Variants in FIG4 observed in about 807,000 individuals in gnomAD.
FIG4 encodes the protein FIG4 phosphoinositide 5-phosphatase.
A neutral mutation model predicts 118.6 loss-of-function variants in FIG4; 112 were observed. That is an observed-to-expected ratio of 0.94 (90% CI 0.81 to 1.11). The LOEUF (loss-of-function observed/expected upper bound fraction) is 1.11, where lower values mean the gene tolerates loss of function less well. FIG4 is among the 50% of genes least tolerant of loss of function. The pLI, the probability that FIG4 is intolerant of heterozygous loss-of-function variation, is 0.00. For missense variants in FIG4, 969 were observed against 1,111.7 expected, an observed-to-expected ratio of 0.87 and a Z score of 1.83; for synonymous variants, 369 against 381.2, an observed-to-expected ratio of 0.97 and a Z score of 0.37.
chr6:109,784,133 CT>C (rs1001794296), intron 16 of FIG4, among the ~76,000 whole-genome samples: 2 of 152,006 alleles, frequency 1.3e-5, no homozygotes, highest in Non-Finnish European at 2.9e-5. Flanking sequence ...GCTATAGGCT[CT>C]TTTTTTAATC....
rs1343672462 is a variant in FIG4 at position 109,786,320 on chromosome 6, TAAAG to T, written c.1970_1973del (p.Lys657SerfsTer2). 2.5e-6 allele frequency: 4 copies of T among 1,613,082 alleles called. No homozygotes were observed. The East Asian group carries it at 8.9e-5, about 36-fold the overall frequency. ...CTCTTAGTTATCTGTGCTGTGAACTTAAAGAAGTTGATAGTGAAGAAATTCCACA... is the reference window on the plus strand; with the variant it reads ...CTCTTAGTTATCTGTGCTGTGAACTTAAGTTGATAGTGAAGAAATTCCACA... On this transcript the variant is annotated frameshift_variant, in exon 18 of 23. Transcript: ENST00000230124. LOFTEE classifies it high-confidence loss of function.
chr6:109,759,268 A>T lies in FIG4; in HGVS notation c.1138-982A>T, dbSNP rs142293955. Among the ~76,000 whole-genome samples the T allele has an allele frequency of 1.1e-4, 16 of 152,326 alleles. 1 individual carries two copies. In the East Asian group the frequency reaches 3.1e-3, roughly 29 times the overall value. On this transcript the variant is annotated intron_variant, in intron 10 of 22. Coordinates refer to ENST00000230124, the MANE Select transcript of FIG4 (RefSeq NM_014845.6). ...ATACCATGGAATACTATGCAGCCAT[A>T]AAAAAGGATGAGTTCATGTCGTTGA...
chr6:109,762,184 T>G lies in FIG4; in HGVS notation c.1365T>G (p.Cys455Trp). ...TTGTAAACCGCCCTGATTCTTACTGTAGCATTTTGCGGCCAGATGAAAAGT... is the reference window on the plus strand; with the variant it reads ...TTGTAAACCGCCCTGATTCTTACTGGAGCATTTTGCGGCCAGATGAAAAGT... ...GFFVNRPDSYCSILRPDEKWN... is the reference protein window; with the variant it reads ...GFFVNRPDSYWSILRPDEKWN... The change falls in exon 12 of 23, where the codon TGT becomes TGG. Residue 455 changes from cysteine to tryptophan, a missense_variant. Cys to Trp is a radical substitution (Grantham distance 215). This residue lies in a region of FIG4 where 246 missense variants were observed against 354.3 expected (regional missense o/e 0.69). Transcript: ENST00000230124. The G allele has an allele frequency of 6.2e-7, 1 of 1,609,802 alleles. No individual in the cohort carries two copies. The highest frequency in any genetic ancestry group is 2.2e-5 in the East Asian group (1 of 44,844).
intron 4 of FIG4, among the ~76,000 whole-genome samples, chr6:109,729,938 T>G (rs2224550): frequency 0.55 from 82,975 of 151,922 alleles, 23,642 homozygotes; most frequent in African/African-American, 0.71. Flanking sequence ...TGGAAAAAAC[T>G]TCAAACATTA....
intron 8 of FIG4, 78 bp from the exon 9 acceptor site, chr6:109,743,032 A>G: frequency 8.0e-7 from 1 of 1,247,754 alleles, no homozygotes; most frequent in Non-Finnish European, 1.2e-6. Context: ...AAGAATAGGA[A>G]TTATAACTTC....
intron 22 of FIG4, among the ~76,000 whole-genome samples, chr6:109,802,283 A>C (rs1403802897): frequency 6.6e-6 from 1 of 151,290 alleles, no homozygotes; most frequent in African/African-American, 2.4e-5. Context: ...TTTCCCCCTC[A>C]CTGTCCTTTC....
chr6:109,772,399 C>T (rs192702972), intron 15 of FIG4, among the ~76,000 whole-genome samples: 32 of 152,278 alleles, frequency 2.1e-4, no homozygotes, highest in Admixed American at 2.0e-3. Flanking sequence ...TCATGAACTC[C>T]AGACTCATTT....
intron 11 of FIG4, 62 bp downstream of exon 11, chr6:109,760,445 G>T (rs1562667984): frequency 1.4e-6 from 2 of 1,423,948 alleles, no homozygotes; most frequent in Non-Finnish European, 2.0e-6. Context: ...GAAATAACAG[G>T]AAGCTGACCT....
intron 13 of FIG4, 82 bp downstream of exon 13, chr6:109,764,064 G>C (rs1208058865): frequency 1.9e-5 from 17 of 877,978 alleles, no homozygotes; most frequent in Non-Finnish European, 2.7e-5. Flanking sequence ...ATCATGGAAA[G>C]ACCTGTATCT....
chr6:109,741,454 C>G lies in FIG4; in HGVS notation c.786C>G (p.Ile262Met), dbSNP rs1447697766. ...HGFCGQSKLL[I>M]YGRPVYVTLI... ...AACTTGATTTCCAAGAGCTGTTGATCTATGGACGACCAGTGTATGTCACTC... is the reference window on the plus strand; with the variant it reads ...AACTTGATTTCCAAGAGCTGTTGATGTATGGACGACCAGTGTATGTCACTC... Residue 262 changes from isoleucine (I) to methionine (M), a missense_variant, in exon 8 of 23, where the codon ATC (isoleucine) becomes ATG (methionine). Physicochemically the swap from Ile to Met is conservative, Grantham distance 10. Coordinates refer to ENST00000230124, the MANE Select transcript of FIG4 (RefSeq NM_014845.6). 1 of 1,610,360 alleles carries G rather than the reference C, an allele frequency of 6.2e-7. No individual in the cohort carries two copies. Among genetic ancestry groups the G allele is most frequent in the East Asian group, 2.2e-5 (1 of 44,824 alleles).
At chr6:109,801,593 G>A (rs762903563) in intron 22 of FIG4, among the ~76,000 whole-genome samples, 4 of 152,096 alleles carry the variant, frequency 2.6e-5, no homozygotes, top group Non-Finnish European at 5.9e-5. Flanking sequence ...AGGACCATAC[G>A]CTTGCATTTA....
Position 109,743,251 on chromosome 6 carries a change from A to ATAGG in FIG4, c.1019_1020insAGGT (p.Met340IlefsTer4). 6.2e-7 allele frequency: 1 copy of ATAGG among 1,612,836 alleles called. No individual in the cohort carries two copies. Among genetic ancestry groups the ATAGG allele is most frequent in the Non-Finnish European group, 8.5e-7 (1 of 1,179,184 alleles). Reference sequence around the variant, plus strand: ...CTGGTCTCAGGACATTTCAACTATGATGCCTAAACCACCTATTACATGTGT... The same window carrying ATAGG: ...CTGGTCTCAGGACATTTCAACTATGATAGGTGCCTAAACCACCTATTACATGTGT... On this transcript the variant is annotated frameshift_variant, in exon 9 of 23. Transcript: ENST00000230124. LOFTEE classifies it high-confidence loss of function.
chr6:109,778,647 G>A (rs1252742673), intron 16 of FIG4, among the ~76,000 whole-genome samples: 2 of 151,954 alleles, frequency 1.3e-5, no homozygotes, highest in Non-Finnish European at 2.9e-5. Flanking sequence ...GGCCCAGGCT[G>A]GAGTGCAGTG....
chr6:109,800,485 A>G (rs1583753873), intron 22 of FIG4, among the ~76,000 whole-genome samples: 2 of 152,360 alleles, frequency 1.3e-5, no homozygotes, highest in East Asian at 1.9e-4. Context: ...ATTTGGTAAC[A>G]TGGCATGGAG....
intron 1 of FIG4, 56 bp downstream of exon 1, chr6:109,691,557 T>C (rs1249146502): frequency 2.8e-6 from 4 of 1,436,300 alleles, no homozygotes; most frequent in Non-Finnish European, 3.8e-6. Flanking sequence ...TGCCGGTGGG[T>C]GTGGGGCCGT....
chr6:109,756,360 GC>G (rs1425272683), intron 10 of FIG4, among the ~76,000 whole-genome samples: 105 of 152,254 alleles, frequency 6.9e-4, no homozygotes, highest in African/African-American at 2.4e-3. Context: ...CTCTCTGGCT[GC>G]CCTTAACATT....
At chr6:109,785,073 G>T (rs775347991) in intron 17 of FIG4, 45 bp downstream of exon 17, 3 of 1,099,994 alleles carry the variant, frequency 2.7e-6, no homozygotes, top group Non-Finnish European at 4.2e-6. Context: ...ACATATTTTG[G>T]CATTATACCT....
rs1422007523 is a variant in FIG4, at chr6:109,691,604, C to T, written c.66+103C>T. 8 of 1,033,834 alleles carry T rather than the reference C, an allele frequency of 7.7e-6. No individual in the cohort carries two copies. The Admixed American group carries it at 8.0e-5, about 10-fold the overall frequency. 64.0% of individuals were successfully genotyped at this position (1,033,834 alleles called of 1,614,324 possible). A position where few individuals can be genotyped will look rare whatever the true frequency, so the allele number is the denominator to read the frequency against. On this transcript the variant is annotated intron_variant, in intron 1 of 22. Coordinates refer to ENST00000230124, the MANE Select transcript of FIG4 (RefSeq NM_014845.6). Reference sequence around the variant, plus strand: ...TGTACTCTGCCTCCTCCTCCTTCCTCTCCAGTTCCCAAATCCCTGTCAAAC... The same window carrying T: ...TGTACTCTGCCTCCTCCTCCTTCCTTTCCAGTTCCCAAATCCCTGTCAAAC...
At chr6:109,727,531 G>T (rs1775859173) in intron 4 of FIG4, among the ~76,000 whole-genome samples, 1 of 152,070 alleles carries the variant, frequency 6.6e-6, no homozygotes, top group Admixed American at 6.5e-5. Flanking sequence ...ATAGCAATTG[G>T]CAAGAATCAA....
Sources: allele counts gnomAD v4.1 joint callset (sites outside exome capture counted in the v4.1 genomes callset), GRCh38; gene constraint gnomAD v4.1.1; regional missense constraint gnomAD v4.1.1; transcripts MANE v1.5; gene names NCBI Gene and HGNC (gene_info 2026-07-23, HGNC 2026-07-21).